SUGCT: variants seen among roughly 807,000 people sequenced by gnomAD.
SUGCT encodes the protein succinyl-CoA:glutarate CoA-transferase.
In SUGCT, 41 loss-of-function variants were observed where a neutral mutation model predicts 55.0. The observed-to-expected ratio is 0.74, with a 90% CI of 0.58 to 0.97. SUGCT has a LOEUF of 0.97. Ranked by LOEUF, SUGCT falls within the 50% of genes least tolerant of loss-of-function variation. SUGCT has a pLI of 0.00. For synonymous variants in SUGCT, 187 were observed against 200.4 expected (o/e 0.93, Z 0.56); for missense variants, 568 against 547.8 (o/e 1.04, Z -0.37).
rs191737995 is a variant in SUGCT, at chr7:40,493,871, A to G, written c.987-2413A>G. Among the ~76,000 whole-genome samples, 29 of 152,316 alleles carry G rather than the reference A, an allele frequency of 1.9e-4. No individual in the cohort carries two copies. In the East Asian group the frequency reaches 4.8e-3, roughly 25 times the overall value. On this transcript the variant is annotated intron_variant, in intron 11 of 13. Transcript: ENST00000335693. Reference sequence around the variant, plus strand: ...CAAGAGATAGATTTTTAGAAAAAAAATGATGGATATGTCCTCTGAGAGCAG... The same window carrying G: ...CAAGAGATAGATTTTTAGAAAAAAAGTGATGGATATGTCCTCTGAGAGCAG...
intron 12 of SUGCT, among the ~76,000 whole-genome samples, chr7:40,687,760 A>T (rs967113144): frequency 2.6e-5 from 4 of 152,144 alleles, no homozygotes; most frequent in African/African-American, 9.7e-5. Context: ...TCTATTTTTA[A>T]TTTGTGCCAC....
rs1319770231 is a variant in SUGCT at position 40,784,320 on chromosome 7, G to A, written c.1153+34823G>A. ...ATCTGAAACTTAAGCTCCTATGATG[G>A]TGTCTCCCTTGGACAGGGCTAAGAG... On this transcript the variant is annotated intron_variant, in intron 13 of 13. Coordinates refer to ENST00000335693, the MANE Select transcript of SUGCT (RefSeq NM_001193313.2). Among the ~76,000 whole-genome samples, 5 of 152,128 alleles carry A rather than the reference G, an allele frequency of 3.3e-5. No homozygotes were observed. The East Asian group carries it at 9.6e-4, about 29-fold the overall frequency.
At chr7:40,887,730 G>T in the SUGCT span, among the ~76,000 whole-genome samples, 1 of 152,114 alleles carries the variant, frequency 6.6e-6, no homozygotes, top group Non-Finnish European at 1.5e-5. Flanking sequence ...AAGGTGGGAG[G>T]GCTGAGCTTC....
chr7:40,193,280 G>GGTTTTTTTTTTTT lies in SUGCT; in HGVS notation c.364-1660_364-1659insGTTTTTTTTTTTT, dbSNP rs1554286577. ...GCTATTTGGCCTGGCCAATTACTGT[G>GGTTTTTTTTTTTT]TTTTTTTTTTTTTTTTTTTTTTGAG... On this transcript the variant is annotated intron_variant, in intron 5 of 13. Coordinates refer to ENST00000335693, the MANE Select transcript of SUGCT (RefSeq NM_001193313.2). Among the ~76,000 whole-genome samples the GGTTTTTTTTTTTT allele has an allele frequency of 3.4e-5, 3 of 87,144 alleles. 1 individual carries two copies. Among genetic ancestry groups the GGTTTTTTTTTTTT allele is most frequent in the African/African-American group, 4.7e-5 (1 of 21,092 alleles). 57.2% of individuals were successfully genotyped at this position (87,144 alleles called of 152,430 possible). A position where few individuals can be genotyped will look rare whatever the true frequency, so the allele number is the denominator to read the frequency against.
intron 9 of SUGCT, among the ~76,000 whole-genome samples, chr7:40,387,574 T>G (rs1303536025): frequency 1.3e-5 from 2 of 152,204 alleles, no homozygotes; most frequent in Non-Finnish European, 2.9e-5. Flanking sequence ...GGGTTTATTT[T>G]TCTTGCTGAA....
chr7:40,845,612 A>T (rs531345641), intron 13 of SUGCT, among the ~76,000 whole-genome samples: 8 of 152,364 alleles, frequency 5.3e-5, no homozygotes, highest in Admixed American at 4.6e-4. Flanking sequence ...GAGGATGGTC[A>T]TGCCAAAATT....
the SUGCT span, among the ~76,000 whole-genome samples, chr7:40,909,225 C>T: frequency 6.6e-6 from 1 of 152,170 alleles, no homozygotes; most frequent in African/African-American, 2.4e-5. Context: ...GACTGGAGCT[C>T]TGCCAAGGAC....
At chr7:40,830,683 A>G (rs530319604) in intron 13 of SUGCT, among the ~76,000 whole-genome samples, 1 of 152,284 alleles carries the variant, frequency 6.6e-6, no homozygotes, top group African/African-American at 2.4e-5. Flanking sequence ...TAGGCACTCA[A>G]CACACATTTG....
intron 1 of SUGCT, among the ~76,000 whole-genome samples, chr7:40,155,232 C>T (rs2150621819): frequency 6.6e-6 from 1 of 151,878 alleles, no homozygotes; most frequent in East Asian, 1.9e-4. Context: ...TTGCAGTGAG[C>T]CAAGATTGCG....
At chr7:40,523,958 C>T (rs1425168671) in intron 12 of SUGCT, among the ~76,000 whole-genome samples, 1 of 151,984 alleles carries the variant, frequency 6.6e-6, no homozygotes, top group East Asian at 1.9e-4. Context: ...TTTAGAATCA[C>T]ATGAGAGGAT....
intron 12 of SUGCT, among the ~76,000 whole-genome samples, chr7:40,562,974 C>T (rs77768288): frequency 1.4e-3 from 218 of 152,238 alleles, no homozygotes; most frequent in African/African-American, 4.7e-3. Context: ...TTATTTCTCT[C>T]TCTCAGTGGC....
intron 7 of SUGCT, among the ~76,000 whole-genome samples, chr7:40,249,339 A>C (rs888858554): frequency 7.6e-6 from 1 of 131,992 alleles, no homozygotes. Context: ...ATATATATAT[A>C]TATATATAAT....
intron 12 of SUGCT, among the ~76,000 whole-genome samples, chr7:40,599,656 A>G (rs1584099392): frequency 6.6e-6 from 1 of 152,304 alleles, no homozygotes; most frequent in Non-Finnish European, 1.5e-5. Flanking sequence ...TTTGATTTCT[A>G]AGCTAAGTTT....
intron 6 of SUGCT, among the ~76,000 whole-genome samples, chr7:40,233,508 G>A (rs750472727): frequency 1.3e-5 from 2 of 151,878 alleles, no homozygotes; most frequent in African/African-American, 2.4e-5. Flanking sequence ...CGAGAGCCAC[G>A]TTTATTATTA....
chr7:40,711,937 C>A (rs988885742), intron 12 of SUGCT, among the ~76,000 whole-genome samples: 6 of 152,200 alleles, frequency 3.9e-5, no homozygotes, highest in Non-Finnish European at 7.3e-5. Flanking sequence ...TAGCACTTAA[C>A]AGCGTGGCAG....
intron 13 of SUGCT, among the ~76,000 whole-genome samples, chr7:40,853,359 T>C (rs761091280): frequency 4.6e-5 from 7 of 152,098 alleles, no homozygotes; most frequent in Non-Finnish European, 7.4e-5. Context: ...TGGAGTCTAA[T>C]AGATAGAAGC....
chr7:40,331,170 G>A (rs764958717), intron 9 of SUGCT, among the ~76,000 whole-genome samples: 1 of 152,124 alleles, frequency 6.6e-6, no homozygotes, highest in Non-Finnish European at 1.5e-5. Flanking sequence ...TGGGGGCTGC[G>A]GGTTGGACAA....
At chr7:40,377,196 TTCTTTTCTTTTCTTTTCTTTC>T (rs1784619178) in intron 9 of SUGCT, among the ~76,000 whole-genome samples, 2 of 11,538 alleles carry the variant, frequency 1.7e-4, no homozygotes, top group Non-Finnish European at 2.4e-3. Flanking sequence ...CTTTCTTTCT[TTCTTTTCTTTTCTTTTCTTTC>T]TTTTCTTTCT....
intron 8 of SUGCT, among the ~76,000 whole-genome samples, chr7:40,287,491 C>T (rs903359891): frequency 2.0e-5 from 3 of 148,838 alleles, no homozygotes; most frequent in African/African-American, 7.7e-5. Context: ...TGTTTTTTCC[C>T]TTGATACTCT....
Sources: allele counts gnomAD v4.1 joint callset (sites outside exome capture counted in the v4.1 genomes callset), GRCh38; gene constraint gnomAD v4.1.1; transcripts MANE v1.5; gene names NCBI Gene and HGNC (gene_info 2026-07-23, HGNC 2026-07-21).